ADCY1: variants seen among roughly 807,000 people sequenced by gnomAD.
ADCY1 encodes adenylate cyclase 1.
A neutral mutation model predicts 105.4 loss-of-function variants in ADCY1; 28 were observed. The ratio of observed to expected loss-of-function variants is 0.27; its 90% CI spans 0.20 to 0.36. ADCY1 has a LOEUF of 0.36. Among genes scored for constraint, ADCY1 ranks in the 10% least tolerant of loss-of-function variants. ADCY1 has a pLI of 1.00. For missense variants in ADCY1, 977 were observed against 1,434.2 expected, an observed-to-expected ratio of 0.68 and a Z score of 5.15; for synonymous variants, 655 against 623.8, an observed-to-expected ratio of 1.05 and a Z score of -0.75.
intron 6 of ADCY1, among the ~76,000 whole-genome samples, chr7:45,658,896 G>C (rs959856972): frequency 6.6e-5 from 10 of 152,334 alleles, no homozygotes; most frequent in Admixed American, 5.9e-4. Flanking sequence ...GCCTGCCCCA[G>C]GCCAATGGGA....
At chr7:45,650,824 A>T (rs901830719) in intron 5 of ADCY1, among the ~76,000 whole-genome samples, 5 of 151,906 alleles carry the variant, frequency 3.3e-5, no homozygotes, top group Admixed American at 3.3e-4. Context: ...CCTCTTCCTG[A>T]CCGCTGCCCA....
chr7:45,638,802 A>T (rs1201597856), intron 4 of ADCY1, among the ~76,000 whole-genome samples: 2 of 152,100 alleles, frequency 1.3e-5, no homozygotes, highest in East Asian at 1.9e-4. Context: ...GGAAAGAGCT[A>T]CCTTTCCTTC....
At chr7:45,608,808 TG>T (rs1793450183) in intron 2 of ADCY1, among the ~76,000 whole-genome samples, 2 of 150,596 alleles carry the variant, frequency 1.3e-5, no homozygotes, top group African/African-American at 4.9e-5. Context: ...GGGAGCTACT[TG>T]GGGGCTATAG....
intron 14 of ADCY1, among the ~76,000 whole-genome samples, chr7:45,698,111 A>G (rs1350742111): frequency 1.3e-5 from 2 of 152,092 alleles, no homozygotes; most frequent in Non-Finnish European, 2.9e-5. Context: ...TAAGTATTTT[A>G]TAGAAAACCA....
rs1233475046 is a variant in ADCY1 at position 45,720,643 on chromosome 7, A to G, written c.*6648A>G. 1 of 152,150 alleles carries G rather than the reference A, an allele frequency of 6.6e-6. No homozygotes were observed. Among genetic ancestry groups the G allele is most frequent in the Non-Finnish European group, 1.5e-5 (1 of 68,040 alleles). The allele number at this position is 152,150 out of a possible 1,614,324, so 9.4% of individuals were successfully genotyped here. On this transcript the variant is annotated 3_prime_UTR_variant, in exon 20 of 20. Transcript: ENST00000297323. The stretch of plus-strand genomic sequence containing the variant: ...GCACAACTCCTTCATTCTTTGTGAA[A>G]TTAGTGAGTTTCCTTCTACCCGTCA...
At position 45,686,115 on chromosome 7, in the gene ADCY1, A is replaced by G. The variant is rs1489691139; in HGVS notation, c.2227A>G (p.Ile743Val). 6.2e-7 allele frequency: 1 copy of G among 1,613,992 alleles called. No homozygotes were observed. Among genetic ancestry groups the G allele is most frequent in the African/African-American group, 1.3e-5 (1 of 74,904 alleles). The change falls in exon 13 of 20, where the codon ATA (isoleucine) becomes GTA (valine). Residue 743 changes from isoleucine (I) to valine (V), a missense_variant. Physicochemically the swap from Ile to Val is conservative, Grantham distance 29. Coordinates refer to ENST00000297323, the MANE Select transcript of ADCY1 (RefSeq NM_021116.4). This position sits in a 1 kb window ranked among gnomAD's most constrained non-coding sequence, Gnocchi z 4.3. ...CCTGGTGGGCACCCTCCCGCTAGCC[A>G]TATTTTTCCGGGTGTCCTCCTTGCC... ...CCLVGTLPLA[I>V]FFRVSSLPKM...
intron 7 of ADCY1, among the ~76,000 whole-genome samples, chr7:45,661,704 A>G (rs571593514): frequency 6.5e-4 from 99 of 152,212 alleles, no homozygotes; most frequent in African/African-American, 2.2e-3. Context: ...AAGGGGACAT[A>G]CTGGAAACTG....
At chr7:45,628,316 C>A (rs555200489) in intron 4 of ADCY1, among the ~76,000 whole-genome samples, 1 of 152,220 alleles carries the variant, frequency 6.6e-6, no homozygotes, top group Non-Finnish European at 1.5e-5. Flanking sequence ...GTGAGCCTCT[C>A]GCTTTCCCTG....
chr7:45,639,622 C>G (rs951654623), intron 4 of ADCY1, among the ~76,000 whole-genome samples: 7 of 152,262 alleles, frequency 4.6e-5, no homozygotes, highest in Non-Finnish European at 8.8e-5. Context: ...CTGGTCATAA[C>G]TCCAAGACCC....
intron 1 of ADCY1, among the ~76,000 whole-genome samples, chr7:45,586,820 G>C (rs930849031): frequency 6.6e-6 from 1 of 152,240 alleles, no homozygotes; most frequent in South Asian, 2.1e-4. Context: ...ATGAGAACAT[G>C]CCCAGTGCTG....
At chr7:45,693,228 C>T (rs942129681) in intron 14 of ADCY1, among the ~76,000 whole-genome samples, 5 of 151,602 alleles carry the variant, frequency 3.3e-5, no homozygotes, top group Non-Finnish European at 7.4e-5. Context: ...CTGCTGGATT[C>T]GGTTTGCCAG....
chr7:45,597,686 T>A (rs1793116140), intron 2 of ADCY1, among the ~76,000 whole-genome samples: 1 of 152,182 alleles, frequency 6.6e-6, no homozygotes, highest in Non-Finnish European at 1.5e-5. Context: ...CAGGTGCCAG[T>A]CTCAAGGGGT....
intron 3 of ADCY1, among the ~76,000 whole-genome samples, chr7:45,621,988 G>T (rs113859050): frequency 0.016 from 2,494 of 152,300 alleles, 19 homozygotes; most frequent in South Asian, 0.031. Flanking sequence ...AAACATGAAA[G>T]TTCTGCCCTG....
chr7:45,609,553 ACT>A (rs1020358663), intron 2 of ADCY1, among the ~76,000 whole-genome samples: 1 of 151,884 alleles, frequency 6.6e-6, no homozygotes, highest in African/African-American at 2.4e-5. Context: ...TGGGATTTAA[ACT>A]CTGCTCTTTT....
At position 45,708,259 on chromosome 7, in the gene ADCY1, A is replaced by T. The variant is rs1358380788; in HGVS notation, c.2818-91A>T. On this transcript the variant is annotated intron_variant, in intron 17 of 19. Transcript: ENST00000297323. The surrounding 1 kb of genome is among the most constrained non-coding windows in gnomAD (Gnocchi z 4.7). ...CAGGCACTCAGAGTGCCTTCCTCTG[A>T]AAGTGCAGCTGTTGGGCACTGCAGG... The T allele has an allele frequency of 6.3e-6, 5 of 792,900 alleles. No homozygotes were observed. Among genetic ancestry groups the T allele is most frequent in the Non-Finnish European group, 1.1e-5 (5 of 462,570 alleles). The allele number at this position is 792,900 out of a possible 1,614,324, so 49.1% of individuals were successfully genotyped here.
At chr7:45,687,585 G>A (rs1269013153) in intron 14 of ADCY1, among the ~76,000 whole-genome samples, 1 of 152,222 alleles carries the variant, frequency 6.6e-6, no homozygotes, top group Non-Finnish European at 1.5e-5. Flanking sequence ...TGAAAACCGG[G>A]AATGAAGGCT....
intron 5 of ADCY1, among the ~76,000 whole-genome samples, chr7:45,657,326 G>A (rs983456273): frequency 6.6e-6 from 1 of 152,282 alleles, no homozygotes; most frequent in Non-Finnish European, 1.5e-5. Context: ...GGGTCCCTGC[G>A]AGGGAGCAGT....
upstream of ADCY1, chr7:45,574,261 C>T: frequency 1.9e-6 from 1 of 533,162 alleles, no homozygotes; most frequent in Non-Finnish European, 2.4e-6. This position sits in a 1 kb window ranked among gnomAD's most constrained non-coding sequence, Gnocchi z 7.0. Context: ...GCTGTGCGCG[C>T]CCAGGTTCGC....
At chr7:45,628,948 C>T (rs1279955316) in intron 4 of ADCY1, among the ~76,000 whole-genome samples, 2 of 152,170 alleles carry the variant, frequency 1.3e-5, no homozygotes, top group Non-Finnish European at 2.9e-5. Context: ...GGGCTCCTTA[C>T]TTTGAAGGTA....
Sources: allele counts gnomAD v4.1 joint callset (sites outside exome capture counted in the v4.1 genomes callset), GRCh38; gene constraint gnomAD v4.1.1; non-coding constraint Gnocchi (gnomAD v3.1); transcripts MANE v1.5; gene names NCBI Gene and HGNC (gene_info 2026-07-23, HGNC 2026-07-21).